The following MYPN variants were observed in gnomAD, a reference collection of about 807,000 sequenced individuals.
MYPN encodes the protein myopalladin.
Under a neutral mutation model 129.4 loss-of-function variants are expected in MYPN, and 63 were observed. The observed-to-expected ratio is 0.49, with a 90% CI of 0.40 to 0.60. The LOEUF (loss-of-function observed/expected upper bound fraction) is 0.60, where lower values mean the gene tolerates loss of function less well. Ranked by LOEUF, MYPN falls within the 20% of genes least tolerant of loss-of-function variation. The pLI is 0.00. For synonymous variants in MYPN, 629 were observed against 600.9 expected (o/e 1.05, Z -0.68); for missense variants, 1,596 against 1,635.4 (o/e 0.98, Z 0.42).
intron 12 of MYPN, among the ~76,000 whole-genome samples, chr10:68,188,411 C>CTTTT (rs11418567): frequency 2.1e-5 from 3 of 144,346 alleles, no homozygotes; most frequent in Non-Finnish European, 3.0e-5. Context: ...TGCCTGGCCT[C>CTTTT]TTTTTTTTTT....
intron 6 of MYPN, among the ~76,000 whole-genome samples, chr10:68,156,192 G>A (rs1248295285): frequency 6.6e-6 from 1 of 152,016 alleles, no homozygotes; most frequent in Non-Finnish European, 1.5e-5. Context: ...TTGATGTTTG[G>A]TTTGGCTTTC....
In MYPN at chr10:68,206,830, C is replaced by A. The variant is rs146280945; in HGVS notation, c.3720C>A (p.Asp1240Glu). ...TCATTCAGCCAGCCAAGAAATCAGA[C>A]GCTGGATGGTACACGTTGTCAGCCA... ...CLLIQPAKKS[D>E]AGWYTLSAKN... The change falls in exon 19 of 20, where the codon GAC becomes GAA. Residue 1240 changes from aspartate (D) to glutamate (E), a missense_variant. By Grantham distance (45) the Asp-to-Glu change is conservative. Coordinates refer to ENST00000358913, the MANE Select transcript of MYPN (RefSeq NM_032578.4). 1 of 1,614,192 alleles carries A rather than the reference C, an allele frequency of 6.2e-7. No homozygotes were observed. The highest frequency in any genetic ancestry group is 8.5e-7 in the Non-Finnish European group (1 of 1,180,026).
upstream of MYPN, among the ~76,000 whole-genome samples, chr10:68,104,984 A>G (rs924047811): frequency 2.0e-5 from 3 of 152,098 alleles, no homozygotes; most frequent in Admixed American, 6.6e-5. Context: ...GGGTTTCACC[A>G]TGTTGGCCAG....
At chr10:68,202,023 TCCCACTCTCAGTGG>T in intron 18 of MYPN, 29 bp downstream of exon 18, 1 of 1,613,420 alleles carries the variant, frequency 6.2e-7, no homozygotes. Flanking sequence ...CCAGAGGGAC[TCCCACTCTCAGTGG>T]GGCTTGTTGC....
chr10:68,152,659 G>T (rs1357174942), intron 6 of MYPN, among the ~76,000 whole-genome samples: 2 of 152,120 alleles, frequency 1.3e-5, no homozygotes, highest in Admixed American at 1.3e-4. Flanking sequence ...TTTTGAGATG[G>T]AGTTTCAGTC....
chr10:68,173,121 T>G (rs4518986), intron 10 of MYPN, among the ~76,000 whole-genome samples: 62,485 of 152,064 alleles, frequency 0.41, 14,306 homozygotes, highest in Non-Finnish European at 0.52. Context: ...GAAAAGATGT[T>G]AAACCAGGAC....
At chr10:68,150,877 T>C (rs2134100811) in intron 6 of MYPN, among the ~76,000 whole-genome samples, 1 of 152,252 alleles carries the variant, frequency 6.6e-6, no homozygotes, top group East Asian at 1.9e-4. Flanking sequence ...ATTTATTGTT[T>C]ATTGTTTGTA....
chr10:68,173,068 G>A (rs1296782278), intron 10 of MYPN, among the ~76,000 whole-genome samples: 1 of 152,004 alleles, frequency 6.6e-6, no homozygotes, highest in East Asian at 1.9e-4. Context: ...GTGAGACTCT[G>A]TCTCAAAAAA....
intron 19 of MYPN, among the ~76,000 whole-genome samples, chr10:68,208,431 T>C (rs1207391887): frequency 6.6e-6 from 1 of 152,166 alleles, no homozygotes; most frequent in African/African-American, 2.4e-5. Context: ...GATTAAACTG[T>C]GAAGGAAGCA....
chr10:68,121,207 G>A (rs2042235872), intron 1 of MYPN, among the ~76,000 whole-genome samples: 1 of 152,198 alleles, frequency 6.6e-6, no homozygotes. Flanking sequence ...GAGCCCATGA[G>A]GTGGAGGTTG....
chr10:68,136,427 G>A lies in MYPN; in HGVS notation c.903-6513G>A, dbSNP rs576336314. Among the ~76,000 whole-genome samples, 5 of 152,304 alleles carry A rather than the reference G, an allele frequency of 3.3e-5. No individual in the cohort carries two copies. In the South Asian group the frequency reaches 1.0e-3, roughly 32 times the overall value. On this transcript the variant is annotated intron_variant, in intron 2 of 19. Coordinates refer to ENST00000358913, the MANE Select transcript of MYPN (RefSeq NM_032578.4). The stretch of plus-strand genomic sequence containing the variant: ...CACCGGTCAGGGCATTTCTATGAAA[G>A]CATTCCCTAACATGGATGGAGGTTT...
intron 17 of MYPN, 46 bp downstream of exon 17, chr10:68,199,621 C>A: frequency 6.3e-7 from 1 of 1,580,520 alleles, no homozygotes; most frequent in South Asian, 1.1e-5. Flanking sequence ...CCTCCAAAGT[C>A]ATTACCCAAA....
chr10:68,138,004 T>C (rs186017656), intron 2 of MYPN, among the ~76,000 whole-genome samples: 189 of 152,302 alleles, frequency 1.2e-3, no homozygotes, highest in Non-Finnish European at 2.2e-3. Context: ...CACCCAAATA[T>C]TAAGAACACA....
intron 2 of MYPN, among the ~76,000 whole-genome samples, chr10:68,133,831 A>C (rs2042446378): frequency 6.6e-6 from 1 of 151,152 alleles, no homozygotes; most frequent in Non-Finnish European, 1.5e-5. Flanking sequence ...GCAGCATCCC[A>C]GATAGCCAGG....
chr10:68,107,410 G>C (rs1212027176), upstream of MYPN, among the ~76,000 whole-genome samples: 3 of 146,938 alleles, frequency 2.0e-5, no homozygotes, highest in East Asian at 2.0e-4. Flanking sequence ...GCACCATCTC[G>C]GCTCACTGCA....
Position 68,197,797 on chromosome 10 carries a change from C to T in MYPN, c.3285+319C>T, listed in dbSNP as rs7095774. On this transcript the variant is annotated intron_variant, in intron 16 of 19. Transcript: ENST00000358913. ...TTATCTGAGGGGCCCGCGTTCCAAG[C>T]CCCACAGTGAATGCCTGAAACTTTA... is the stretch of plus-strand genomic sequence containing the variant. Among the ~76,000 whole-genome samples, 88,058 of 151,840 alleles carry T rather than the reference C, an allele frequency of 0.58. 27,520 individuals carry two copies. The highest frequency in any genetic ancestry group is 0.69 in the Non-Finnish European group (46,940 of 67,950).
chr10:68,149,984 C>T (rs1298871874), intron 5 of MYPN, 56 bp from the exon 6 acceptor site: 1 of 1,471,196 alleles, frequency 6.8e-7, no homozygotes, highest in Non-Finnish European at 9.5e-7. Flanking sequence ...TTATGTCTCA[C>T]TATCCATCTA....
At chr10:68,088,801 A>G (rs1424872115) in intron 1 of MYPN, among the ~76,000 whole-genome samples, 1 of 152,202 alleles carries the variant, frequency 6.6e-6, no homozygotes, top group Non-Finnish European at 1.5e-5. Flanking sequence ...AAAGTGTGTA[A>G]GTCAATGGAT....
At chr10:68,207,000 G>C in intron 19 of MYPN, 97 bp downstream of exon 19, 1 of 1,479,540 alleles carries the variant, frequency 6.8e-7, no homozygotes, top group Non-Finnish European at 9.2e-7. Context: ...GCTCATGCCT[G>C]TAATCCCAGC....
Sources: allele counts gnomAD v4.1 joint callset (sites outside exome capture counted in the v4.1 genomes callset), GRCh38; gene constraint gnomAD v4.1.1; transcripts MANE v1.5; gene names NCBI Gene and HGNC (gene_info 2026-07-23, HGNC 2026-07-21).